The following LRP4 variants were observed in gnomAD, a reference collection of about 807,000 sequenced individuals.
LRP4 encodes LDL receptor related protein 4.
Under a neutral mutation model 220.3 loss-of-function variants are expected in LRP4, and 95 were observed. The ratio of observed to expected loss-of-function variants is 0.43; its 90% confidence interval spans 0.37 to 0.51. LRP4 has a LOEUF of 0.51. Among genes scored for constraint, LRP4 ranks in the 20% least tolerant of loss-of-function variants. LRP4 has a pLI of 0.00. For synonymous variants in LRP4, 903 were observed against 954.6 expected, an observed-to-expected ratio of 0.95 and a Z score of 1.00; for missense variants, 1,925 against 2,567.0, an observed-to-expected ratio of 0.75 and a Z score of 5.40.
rs1460966568 is a variant in LRP4 at position 46,861,523 on chromosome 11, C to T, written c.5385+1083G>A. On this transcript the variant is annotated intron_variant, in intron 37 of 37. Coordinates refer to ENST00000378623, the MANE Select transcript of LRP4 (RefSeq NM_002334.4). The stretch of plus-strand genomic sequence containing the variant: ...AGTTAGTTTCCTTGTGGAAATGGGA[C>T]TTTTTTTTTTTTTTTTTTTTTTGAG... 2.1e-3 allele frequency among the ~76,000 whole-genome samples: 174 copies of T among 83,454 alleles called. 1 individual carries two copies. The highest frequency in any genetic ancestry group is 3.3e-3 in the South Asian group (6 of 1,806). 54.7% of individuals were successfully genotyped at this position (83,454 alleles called of 152,430 possible). A position where few individuals can be genotyped will look rare whatever the true frequency, so the allele number is the denominator to read the frequency against.
chr11:46,894,842 G>A, intron 11 of LRP4, 23 bp from the exon 12 acceptor site: 2 of 1,603,270 alleles, frequency 1.2e-6, no homozygotes, highest in Non-Finnish European at 1.7e-6. Context: ...ATAAACATGG[G>A]ATACCCACTG....
In LRP4 at chr11:46,898,986, A is replaced by G; in HGVS notation, c.594T>C (p.Cys198=). ...TGTCGAGGATGCAGCGTCCATAGGC[A>G]CACTGGAACTCCTCCAGGTTGCAGG... The part of the protein sequence containing the change: ...APPCNLEEFQ[C]AYGRCILDIY... Residue 198 remains cysteine (C), a synonymous_variant, in exon 6 of 38, where the codon TGT becomes TGC. Coordinates refer to ENST00000378623, the MANE Select transcript of LRP4 (RefSeq NM_002334.4). The G allele has an allele frequency of 6.2e-7, 1 of 1,613,720 alleles. No homozygotes were observed. The highest frequency in any genetic ancestry group is 1.1e-5 in the South Asian group (1 of 91,072).
Position 46,875,842 on chromosome 11 carries a change from C to A in LRP4, c.3661G>T (p.Ala1221Ser). The part of the protein sequence containing the change: ...GWPNGLTVDK[A>S]SSQLLWADAH... ...TCGGCCCATAGCAGTTGGGAGCTGGCCTTGTCCACAGTCAGTCCATTGGGC... is the reference window on the plus strand; with the variant it reads ...TCGGCCCATAGCAGTTGGGAGCTGGACTTGTCCACAGTCAGTCCATTGGGC... Residue 1221 changes from alanine to serine, a missense_variant, in exon 26 of 38, where the codon GCC becomes TCC. Ala to Ser is a moderately conservative substitution (Grantham distance 99). Around this residue, in one of 3 missense-constraint regions of LRP4, gnomAD observed 1,244 missense variants for 1,624.9 expected, o/e 0.77. Transcript: ENST00000378623. This position sits in a 1 kb window ranked among gnomAD's most constrained non-coding sequence, Gnocchi z 4.5. 1 of 1,614,090 alleles carries A rather than the reference C, an allele frequency of 6.2e-7. No homozygotes were observed. Among genetic ancestry groups the A allele is most frequent in the Non-Finnish European group, 8.5e-7 (1 of 1,180,012 alleles).
At chr11:46,864,577 C>CT in intron 35 of LRP4, 42 bp from the exon 36 acceptor site, 1 of 1,326,792 alleles carries the variant, frequency 7.5e-7, no homozygotes, top group South Asian at 1.2e-5. Context: ...CCACCGACAA[C>CT]TTTCTAGCGG....
intron 16 of LRP4, 56 bp from the exon 17 acceptor site, chr11:46,886,589 C>T: frequency 7.0e-7 from 1 of 1,426,406 alleles, no homozygotes; most frequent in East Asian, 2.3e-5. Flanking sequence ...AGAACAGTGA[C>T]AGACACAGAC....
At chr11:46,868,345 C>A (rs1274045865) in intron 33 of LRP4, among the ~76,000 whole-genome samples, 1 of 152,192 alleles carries the variant, frequency 6.6e-6, no homozygotes, top group Non-Finnish European at 1.5e-5. Context: ...GATGCACAGG[C>A]CACTGATTAT....
At chr11:46,893,179 A>G (rs1277643769) in intron 12 of LRP4, 50 bp from the exon 13 acceptor site, 2 of 1,611,262 alleles carry the variant, frequency 1.2e-6, no homozygotes. Flanking sequence ...CCAGGCCCCC[A>G]TGTCCCATAG....
At position 46,875,819 on chromosome 11, in the gene LRP4, G is replaced by A. The variant is rs375095757; in HGVS notation, c.3684C>T (p.Ala1228=). 23 of 1,613,918 alleles carry A rather than the reference G, an allele frequency of 1.4e-5. No individual in the cohort carries two copies. Among genetic ancestry groups the A allele is most frequent in the Middle Eastern group, 1.6e-4 (1 of 6,084 alleles). The change falls in exon 26 of 38, where the codon GCC becomes GCT. Residue 1228 remains alanine (A), a synonymous_variant. Transcript: ENST00000378623. This position sits in a 1 kb window ranked among gnomAD's most constrained non-coding sequence, Gnocchi z 4.5. The stretch of plus-strand genomic sequence containing the variant: ...CGGCTCTCACCTCGGTGTGGGCATC[G>A]GCCCATAGCAGTTGGGAGCTGGCCT... ...VDKASSQLLW[A]DAHTERIEAA... is the part of the protein sequence containing the mutation.
chr11:46,900,022 G>C (rs1350509682), intron 3 of LRP4, 46 bp from the exon 4 acceptor site: 8 of 1,470,162 alleles, frequency 5.4e-6, no homozygotes, highest in Middle Eastern at 1.7e-4. Flanking sequence ...TGGGGGTCTG[G>C]TGCCTGGAAG....
chr11:46,899,722 C>G lies in LRP4; in HGVS notation c.430+141G>C. The G allele has an allele frequency of 3.6e-6, 3 of 833,602 alleles. No homozygotes were observed. The East Asian group carries it at 7.4e-5, about 21-fold the overall frequency. 51.6% of individuals were successfully genotyped at this position (833,602 alleles called of 1,614,324 possible). A position where few individuals can be genotyped will look rare whatever the true frequency, so the allele number is the denominator to read the frequency against. On this transcript the variant is annotated intron_variant, in intron 4 of 37. Transcript: ENST00000378623. This position sits in a 1 kb window ranked among gnomAD's most constrained non-coding sequence, Gnocchi z 5.9. Reference sequence around the variant, plus strand: ...TTTCTGGGGGGTCTGAGCGGCTCTGCCCCCTCTGCGTTCCTCTAGCTGCTC... The same window carrying G: ...TTTCTGGGGGGTCTGAGCGGCTCTGGCCCCTCTGCGTTCCTCTAGCTGCTC...
intron 1 of LRP4, among the ~76,000 whole-genome samples, chr11:46,906,412 C>T (rs1475370998): frequency 6.6e-6 from 1 of 151,504 alleles, no homozygotes; most frequent in Admixed American, 6.6e-5. Flanking sequence ...GCAGAGATCA[C>T]GCCACTGCAC....
chr11:46,909,055 C>T (rs1480168622), intron 1 of LRP4, among the ~76,000 whole-genome samples: 5 of 152,166 alleles, frequency 3.3e-5, no homozygotes, highest in African/African-American at 4.8e-5. Flanking sequence ...AGAGTCTGGA[C>T]TTTCAGTAAG....
intron 33 of LRP4, 93 bp downstream of exon 33, chr11:46,868,507 C>G (rs1940763015): frequency 1.1e-6 from 1 of 929,222 alleles, no homozygotes; most frequent in Admixed American, 1.7e-5. Context: ...GGATCCCACC[C>G]AGAAGGACAG....
Position 46,905,144 on chromosome 11 carries a change from C to T in LRP4, c.53-2215G>A, listed in dbSNP as rs529758572. ...CAAATGCAGGGTAGAGGATTCTTCC[C>T]CAGGAAGCACTAAAAGACCCAGGTG... On this transcript the variant is annotated intron_variant, in intron 1 of 37. Coordinates refer to ENST00000378623, the MANE Select transcript of LRP4 (RefSeq NM_002334.4). Among the ~76,000 whole-genome samples, 245 of 152,230 alleles carry T rather than the reference C, an allele frequency of 1.6e-3. 3 individuals are homozygous for T. The South Asian group carries it at 0.021, about 13-fold the overall frequency.
chr11:46,918,291 G>A lies in LRP4; in HGVS notation c.52+37C>T. ...CGGGAGGCGAGTCCTGCAGCGGCCGGACCCAGGGACAAACTTTCCCGGCGG... is the reference window on the plus strand; with the variant it reads ...CGGGAGGCGAGTCCTGCAGCGGCCGAACCCAGGGACAAACTTTCCCGGCGG... On this transcript the variant is annotated intron_variant, in intron 1 of 37. Transcript: ENST00000378623. The surrounding 1 kb of genome is among the most constrained non-coding windows in gnomAD (Gnocchi z 6.0). 1 of 1,508,570 alleles carries A rather than the reference G, an allele frequency of 6.6e-7. No homozygotes were observed. Among genetic ancestry groups the A allele is most frequent in the Non-Finnish European group, 8.8e-7 (1 of 1,134,002 alleles). 93.4% of individuals were successfully genotyped at this position (1,508,570 alleles called of 1,614,324 possible).
chr11:46,875,400 G>A lies in LRP4; in HGVS notation c.3925+56C>T. ...GCTCTGGATATATCTCTGATGTTGA[G>A]ATGGCCCCAGAAAGCCAGAGGCTCT... On this transcript the variant is annotated intron_variant, in intron 27 of 37. Transcript: ENST00000378623. This position sits in a 1 kb window ranked among gnomAD's most constrained non-coding sequence, Gnocchi z 4.5. The A allele has an allele frequency of 1.9e-5, 28 of 1,451,030 alleles. No individual in the cohort carries two copies. The highest frequency in any genetic ancestry group is 2.7e-5 in the Non-Finnish European group (28 of 1,034,994). 89.9% of individuals were successfully genotyped at this position (1,451,030 alleles called of 1,614,324 possible).
intron 2 of LRP4, among the ~76,000 whole-genome samples, chr11:46,900,849 TG>T (rs1231417536): frequency 6.6e-6 from 1 of 150,962 alleles, no homozygotes; most frequent in African/African-American, 2.4e-5. Flanking sequence ...TGCAGTGGTA[TG>T]ATCTCGGCTC....
chr11:46,906,346 C>T (rs1941759446), intron 1 of LRP4, among the ~76,000 whole-genome samples: 2 of 151,934 alleles, frequency 1.3e-5, no homozygotes, highest in Non-Finnish European at 2.9e-5. Context: ...GTCCCAGCTA[C>T]TTGGGAGGCT....
intron 16 of LRP4, among the ~76,000 whole-genome samples, chr11:46,888,153 C>T (rs1375203216): frequency 6.6e-6 from 1 of 151,036 alleles, no homozygotes; most frequent in Non-Finnish European, 1.5e-5. Flanking sequence ...GAAACCTCAT[C>T]TCTACTAAAA....
Sources: allele counts gnomAD v4.1 joint callset (sites outside exome capture counted in the v4.1 genomes callset), GRCh38; gene constraint gnomAD v4.1.1; regional missense constraint gnomAD v4.1.1; non-coding constraint Gnocchi (gnomAD v3.1); transcripts MANE v1.5; gene names NCBI Gene and HGNC (gene_info 2026-07-23, HGNC 2026-07-21).